The following FBXL4 variants were observed in gnomAD, a reference collection of about 807,000 sequenced individuals.
FBXL4 encodes the protein F-box/LRR-repeat protein 4.
A neutral mutation model predicts 58.9 loss-of-function variants in FBXL4; 40 were observed. The ratio of observed to expected loss-of-function variants is 0.68; its 90% CI spans 0.53 to 0.88. The LOEUF is 0.88. FBXL4 is among the 40% of genes least tolerant of loss of function. FBXL4 has a pLI of 0.00. For synonymous variants in FBXL4, 263 were observed against 265.5 expected (o/e 0.99, Z 0.09); for missense variants, 676 against 734.4 (o/e 0.92, Z 0.92).
rs1015477200 is a variant in FBXL4 at position 98,919,619 on chromosome 6, G to C, written c.513-1900C>G. ...TCCTGAACCTAAGAATGTCCCTAGA[G>C]ATTAACTGCTAAAATCAAGGGTTCC... On this transcript the variant is annotated intron_variant, in intron 4 of 9. Coordinates refer to ENST00000369244, the MANE Select transcript of FBXL4 (RefSeq NM_001278716.2). 1.1e-4 allele frequency among the ~76,000 whole-genome samples: 16 copies of C among 152,264 alleles called. No homozygotes were observed. In the South Asian group the frequency reaches 3.3e-3, roughly 32 times the overall value.
At chr6:98,890,146 T>A (rs1214773879) in intron 7 of FBXL4, among the ~76,000 whole-genome samples, 1 of 152,180 alleles carries the variant, frequency 6.6e-6, no homozygotes, top group Non-Finnish European at 1.5e-5. Context: ...GTTTATGACT[T>A]TTTTTGCTCA....
At chr6:98,891,141 A>G (rs940186636) in intron 7 of FBXL4, among the ~76,000 whole-genome samples, 1 of 152,188 alleles carries the variant, frequency 6.6e-6, no homozygotes, top group Non-Finnish European at 1.5e-5. Context: ...CCTTGAAAAT[A>G]ATATTGTCTT....
intron 8 of FBXL4, among the ~76,000 whole-genome samples, chr6:98,879,897 C>T (rs1052254743): frequency 7.0e-5 from 10 of 143,780 alleles, no homozygotes; most frequent in Non-Finnish European, 1.5e-4. Flanking sequence ...GAGTCAAGAT[C>T]GCGCCGCTGC....
chr6:98,932,613 G>A (rs182420788), intron 2 of FBXL4, among the ~76,000 whole-genome samples: 173 of 152,180 alleles, frequency 1.1e-3, no homozygotes, highest in Non-Finnish European at 1.9e-3. Context: ...CCGAGAAGTC[G>A]GCTTGTACTT....
intron 7 of FBXL4, among the ~76,000 whole-genome samples, chr6:98,895,689 T>C (rs1322901944): frequency 6.6e-6 from 1 of 152,140 alleles, no homozygotes; most frequent in Non-Finnish European, 1.5e-5. Context: ...AAAGAAATAA[T>C]AATGCAAAAT....
At chr6:98,917,835 T>C (rs1371721495) in intron 4 of FBXL4, 116 bp from the exon 5 acceptor site, 2 of 667,686 alleles carry the variant, frequency 3.0e-6, no homozygotes, top group African/African-American at 1.8e-5. Flanking sequence ...TCAAAATAAA[T>C]AGAATCCAAT....
chr6:98,869,173 A>C lies in FBXL4; in HGVS notation c.*5105T>G, dbSNP rs942881218. ...TGGTCATTGACAAGATTTTAAGGGT[A>C]GTTAAAAAAGTTTCTCTGAAGTATC... On this transcript the variant is annotated 3_prime_UTR_variant, in exon 10 of 10. Coordinates refer to ENST00000369244, the MANE Select transcript of FBXL4 (RefSeq NM_001278716.2). 4 of 152,228 alleles carry C rather than the reference A, an allele frequency of 2.6e-5. No individual in the cohort carries two copies. The allele number at this position is 152,228 out of a possible 1,614,324, so 9.4% of individuals were successfully genotyped here.
At chr6:98,891,838 A>G (rs936560407) in intron 7 of FBXL4, among the ~76,000 whole-genome samples, 2 of 152,130 alleles carry the variant, frequency 1.3e-5, no homozygotes, top group Non-Finnish European at 2.9e-5. Context: ...TTAATCAGCC[A>G]TCTCTAATGA....
Position 98,926,812 on chromosome 6 carries a change from C to T in FBXL4, c.177G>A (p.Val59=), listed in dbSNP as rs1772799573. The change falls in exon 4 of 10, where the codon GTG becomes GTA. Residue 59 remains valine (V), a synonymous_variant. Coordinates refer to ENST00000369244, the MANE Select transcript of FBXL4 (RefSeq NM_001278716.2). ...CACTTCCATAATGGGAACTGAAATCCACTACTTCTTTGGCATACTGGACTA... is the reference window on the plus strand; with the variant it reads ...CACTTCCATAATGGGAACTGAAATCTACTACTTCTTTGGCATACTGGACTA... ...AEVVQYAKEV[V]DFSSHYGSEN... The T allele has an allele frequency of 1.9e-6, 3 of 1,614,012 alleles. No homozygotes were observed. The Admixed American group carries it at 5.0e-5, about 27-fold the overall frequency.
chr6:98,934,901 CA>C (rs1773149057), intron 1 of FBXL4, 22 bp from the exon 2 acceptor site: 1 of 152,134 alleles, frequency 6.6e-6, no homozygotes, highest in African/African-American at 2.4e-5. Flanking sequence ...GCAAAAATCT[CA>C]AAAACCAGAG....
chr6:98,877,846 C>A (rs560013767), intron 8 of FBXL4, among the ~76,000 whole-genome samples: 1 of 152,064 alleles, frequency 6.6e-6, no homozygotes, highest in Non-Finnish European at 1.5e-5. Flanking sequence ...TTTTTAAAGT[C>A]ATTTTTAGAA....
intron 5 of FBXL4, among the ~76,000 whole-genome samples, chr6:98,912,291 G>T (rs1297285294): frequency 6.6e-6 from 1 of 152,108 alleles, no homozygotes; most frequent in Non-Finnish European, 1.5e-5. Flanking sequence ...ATCTAGCAAG[G>T]CAGGCCAACA....
rs145615317 is a variant in FBXL4, at chr6:98,909,272, G to A, written c.859-3602C>T. Among the ~76,000 whole-genome samples, 42 of 152,244 alleles carry A rather than the reference G, an allele frequency of 2.8e-4. 1 individual carries two copies. In the South Asian group the frequency reaches 6.2e-3, roughly 23 times the overall value. On this transcript the variant is annotated intron_variant, in intron 5 of 9. Transcript: ENST00000369244. ...TGAAACCCAAACAGACCTCTATGACGCAGCAGAATAGACTCCACACTGCCA... is the reference window on the plus strand; with the variant it reads ...TGAAACCCAAACAGACCTCTATGACACAGCAGAATAGACTCCACACTGCCA...
chr6:98,929,086 T>G (rs950698106), intron 2 of FBXL4, among the ~76,000 whole-genome samples: 2 of 152,324 alleles, frequency 1.3e-5, no homozygotes, highest in East Asian at 3.9e-4. Context: ...ATATTTGACA[T>G]GTTGATAGGT....
intron 1 of FBXL4, among the ~76,000 whole-genome samples, chr6:98,938,885 CCAG>C (rs1420529060): frequency 1.3e-5 from 2 of 151,642 alleles, no homozygotes; most frequent in Non-Finnish European, 2.9e-5. Flanking sequence ...GAGTTTAAGA[CCAG>C]CCTAAGAAAC....
At chr6:98,899,200 A>G in intron 7 of FBXL4, 68 bp downstream of exon 7, 1 of 1,585,730 alleles carries the variant, frequency 6.3e-7, no homozygotes, top group Non-Finnish European at 8.6e-7. Flanking sequence ...ATTATGAGCA[A>G]TTACAGAAAA....
At chr6:98,946,069 TAG>T (rs1203550410) in intron 1 of FBXL4, among the ~76,000 whole-genome samples, 2 of 152,158 alleles carry the variant, frequency 1.3e-5, no homozygotes, top group Non-Finnish European at 2.9e-5. Flanking sequence ...CAAAAATATT[TAG>T]TGATGTCTAC....
At chr6:98,913,590 A>T (rs1053688987) in intron 5 of FBXL4, among the ~76,000 whole-genome samples, 1 of 152,242 alleles carries the variant, frequency 6.6e-6, no homozygotes, top group African/African-American at 2.4e-5. Context: ...AAATGAAGGC[A>T]GAAATAAAGA....
intron 4 of FBXL4, among the ~76,000 whole-genome samples, chr6:98,925,278 C>T (rs1772734823): frequency 6.6e-6 from 1 of 152,080 alleles, no homozygotes; most frequent in African/African-American, 2.4e-5. Flanking sequence ...TGGCAAAACA[C>T]CCATGTACAT....
Sources: allele counts gnomAD v4.1 joint callset (sites outside exome capture counted in the v4.1 genomes callset), GRCh38; gene constraint gnomAD v4.1.1; transcripts MANE v1.5; gene names NCBI Gene and HGNC (gene_info 2026-07-23, HGNC 2026-07-21).